The following TTC39B variants were observed in gnomAD, a reference collection of about 807,000 sequenced individuals.
TTC39B encodes the protein tetratricopeptide repeat domain 39B, also known as tetratricopeptide repeat protein 39B.
In TTC39B, 92 loss-of-function variants were observed where a neutral mutation model predicts 96.6. The ratio of observed to expected loss-of-function variants is 0.95; its 90% confidence interval spans 0.80 to 1.13. The LOEUF is 1.13. Among genes scored for constraint, TTC39B ranks in the 50% most tolerant of loss-of-function variants. TTC39B has a pLI of 0.00. For synonymous variants in TTC39B, 367 were observed against 299.4 expected (o/e 1.23, Z -2.33); for missense variants, 955 against 809.3 (o/e 1.18, Z -2.18).
At chr9:15,166,979 A>ATTTTTTT (rs1371714154) in exon 20 of TTC39B, 26 of 33,418 alleles carry the variant, frequency 7.8e-4, no homozygotes, top group East Asian at 4.4e-3. Flanking sequence ...ACAAACCTTT[A>ATTTTTTT]TTTTATATAT....
intron 16 of TTC39B, chr9:15,183,360 A>G: frequency 2.3e-6 from 1 of 435,968 alleles, no homozygotes; most frequent in Non-Finnish European, 4.5e-6. Context: ...ATTGATGATG[A>G]TCTTTTAAAA....
At chr9:15,255,396 G>C (rs952944863) in intron 2 of TTC39B, among the ~76,000 whole-genome samples, 1 of 152,148 alleles carries the variant, frequency 6.6e-6, no homozygotes, top group South Asian at 2.1e-4. Context: ...GAGACAAAAG[G>C]GGGAAAGAGG....
chr9:15,190,494 A>G, intron 11 of TTC39B, 60 bp downstream of exon 11: 6 of 1,487,114 alleles, frequency 4.0e-6, no homozygotes, highest in Non-Finnish European at 5.6e-6. Context: ...TACAGGTGTA[A>G]CACACCATGT....
chr9:15,254,029 C>G (rs1043984500), intron 2 of TTC39B, among the ~76,000 whole-genome samples: 1 of 152,026 alleles, frequency 6.6e-6, no homozygotes, highest in African/African-American at 2.4e-5. Context: ...TCGAGACTTC[C>G]TGGACACTCC....
At chr9:15,277,707 G>A (rs980810189) in intron 1 of TTC39B, among the ~76,000 whole-genome samples, 9 of 152,162 alleles carry the variant, frequency 5.9e-5, no homozygotes, top group Non-Finnish European at 8.8e-5. Flanking sequence ...AAAATCCTAA[G>A]TTCTCTGAAT....
chr9:15,293,425 G>C (rs1295689179), intron 1 of TTC39B, among the ~76,000 whole-genome samples: 1 of 152,150 alleles, frequency 6.6e-6, no homozygotes, highest in Admixed American at 6.5e-5. Flanking sequence ...GAATTGTCCA[G>C]GTGGGGGAAC....
At chr9:15,167,028 A>ATATATATATTTTTT (rs1554758710) in exon 20 of TTC39B, 2 of 11,022 alleles carry the variant, frequency 1.8e-4, no homozygotes, top group Non-Finnish European at 3.1e-4. Flanking sequence ...ATATATATAT[A>ATATATATATTTTTT]TTTTTTTTTT....
At chr9:15,269,769 C>T (rs1451128334) in intron 1 of TTC39B, among the ~76,000 whole-genome samples, 4 of 151,188 alleles carry the variant, frequency 2.6e-5, no homozygotes, top group African/African-American at 9.7e-5. Flanking sequence ...GCAGGATAAT[C>T]GCTTGAACCT....
chr9:15,257,921 C>T (rs547684560), intron 2 of TTC39B, among the ~76,000 whole-genome samples: 7 of 151,802 alleles, frequency 4.6e-5, no homozygotes, highest in Non-Finnish European at 8.8e-5. Flanking sequence ...TAGCCGGGCA[C>T]GGTGGCGGGC....
At chr9:15,235,075 C>T (rs1262880185) in intron 2 of TTC39B, among the ~76,000 whole-genome samples, 2 of 148,752 alleles carry the variant, frequency 1.3e-5, no homozygotes, top group Middle Eastern at 3.4e-3. Flanking sequence ...AAACAAAAAA[C>T]AGAACTTCTG....
intron 16 of TTC39B, among the ~76,000 whole-genome samples, chr9:15,185,061 A>ATC (rs1818445878): frequency 6.6e-6 from 1 of 152,234 alleles, no homozygotes; most frequent in African/African-American, 2.4e-5. Context: ...ATACGTTTTT[A>ATC]GTAGCCTTTA....
At chr9:15,293,851 G>A (rs758516986) in intron 1 of TTC39B, among the ~76,000 whole-genome samples, 4 of 152,158 alleles carry the variant, frequency 2.6e-5, no homozygotes, top group East Asian at 3.8e-4. Context: ...TGTAGCCAAC[G>A]GTTGGAACCG....
chr9:15,280,438 T>C (rs1823717119), intron 1 of TTC39B, among the ~76,000 whole-genome samples: 1 of 152,304 alleles, frequency 6.6e-6, no homozygotes, highest in African/African-American at 2.4e-5. Context: ...GAGAAACAAA[T>C]GTTAAAAATC....
chr9:15,222,099 G>A (rs1263799947), intron 3 of TTC39B, among the ~76,000 whole-genome samples: 1 of 152,178 alleles, frequency 6.6e-6, no homozygotes, highest in African/African-American at 2.4e-5. Flanking sequence ...GCTTTCCCGA[G>A]CTCAGTCAAG....
rs1820524161 is a variant in TTC39B, at chr9:15,216,484, G to A, written c.372-2235C>T. 1.3e-5 allele frequency among the ~76,000 whole-genome samples: 2 copies of A among 152,160 alleles called. 1 individual carries two copies. The highest frequency in any genetic ancestry group is 4.1e-4 in the South Asian group (2 of 4,824). On this transcript the variant is annotated intron_variant, in intron 3 of 19. Transcript: ENST00000512701. ...AGTTTCCAGTGAATGAAGAGATCAT[G>A]TAAGAATGCTAGGAGTTCATAAACC... is the stretch of plus-strand genomic sequence containing the variant.
intron 1 of TTC39B, among the ~76,000 whole-genome samples, chr9:15,287,264 T>C (rs1376977853): frequency 6.6e-6 from 1 of 152,220 alleles, no homozygotes; most frequent in African/African-American, 2.4e-5. Flanking sequence ...CTTAAAATCA[T>C]TTCTCATTAA....
In TTC39B at chr9:15,241,346, T is replaced by C. The variant is rs146316770; in HGVS notation, c.276-15334A>G. Among the ~76,000 whole-genome samples the C allele has an allele frequency of 3.6e-3, 548 of 152,074 alleles. 4 individuals carry two copies. Among genetic ancestry groups the C allele is most frequent in the African/African-American group, 0.013 (533 of 41,488 alleles). On this transcript the variant is annotated intron_variant, in intron 2 of 19. Transcript: ENST00000512701. ...TGAAACTGGAAAAGATAGCAGTGAA[T>C]GAACCATAATTTAAAAAGATAATGC...
exon 15 of TTC39B, chr9:15,187,011 C>G: frequency 6.2e-7 from 1 of 1,613,032 alleles, no homozygotes; most frequent in Non-Finnish European, 8.5e-7. Flanking sequence ...CTCAAAATTG[C>G]TGCTTTCAAG....
chr9:15,188,005 G>C lies in TTC39B; in HGVS notation c.1361C>G (p.Ser454Ter), dbSNP rs752230423. Residue 454 changes from serine to a stop codon, truncating the protein, a stop_gained, in exon 14 of 20, where the codon TCA becomes TGA. Transcript: ENST00000512701. LOFTEE classifies it high-confidence loss of function. Reference sequence around the variant, plus strand: ...TTTACTCTCTTTGCAAAGCAGATCTGAATAGTAATATGCCTGCATCCAGTT... The same window carrying C: ...TTTACTCTCTTTGCAAAGCAGATCTCAATAGTAATATGCCTGCATCCAGTT... 6.2e-7 allele frequency: 1 copy of C among 1,611,154 alleles called. No homozygotes were observed. The highest frequency in any genetic ancestry group is 1.1e-5 in the South Asian group (1 of 90,362).
Sources: allele counts gnomAD v4.1 joint callset (sites outside exome capture counted in the v4.1 genomes callset), GRCh38; gene constraint gnomAD v4.1.1; transcripts MANE v1.5; gene names NCBI Gene and HGNC (gene_info 2026-07-23, HGNC 2026-07-21).